Variants in CMYA5 observed in about 807,000 individuals in gnomAD.
CMYA5 encodes the protein cardiomyopathy-associated protein 5.
In CMYA5, 246 loss-of-function variants were observed where a neutral mutation model predicts 318.9. The observed-to-expected ratio is 0.77, with a 90% CI of 0.70 to 0.86. The LOEUF is 0.86. Ranked by LOEUF, CMYA5 falls within the 40% of genes least tolerant of loss-of-function variation. CMYA5 has a pLI of 0.00. For synonymous variants in CMYA5, 1,641 were observed against 1,729.5 expected (o/e 0.95, Z 1.27); for missense variants, 4,589 against 4,678.2 (o/e 0.98, Z 0.56).
At chr5:79,776,395 CAGTT>C (rs1336267224) in intron 9 of CMYA5, among the ~76,000 whole-genome samples, 7 of 152,126 alleles carry the variant, frequency 4.6e-5, no homozygotes, top group Non-Finnish European at 8.8e-5. Flanking sequence ...TCCATATTGA[CAGTT>C]AGTTAAGATT....
Position 79,754,967 on chromosome 5 carries a change from T to C in CMYA5, c.11110+2173T>C, listed in dbSNP as rs147574663. ...GACTGGTTTGTTTAACTTAGAGTAA[T>C]ATCCTCAAAGCTTACCATGTTGTAA... On this transcript the variant is annotated intron_variant, in intron 6 of 12. Coordinates refer to ENST00000446378, the MANE Select transcript of CMYA5 (RefSeq NM_153610.5). Among the ~76,000 whole-genome samples the C allele has an allele frequency of 4.8e-3, 726 of 152,316 alleles. 6 individuals are homozygous for C. The highest frequency in any genetic ancestry group is 0.015 in the African/African-American group (630 of 41,572).
At chr5:79,758,585 TAAA>T (rs1297981873) in intron 6 of CMYA5, among the ~76,000 whole-genome samples, 165 bp from the exon 7 acceptor site, 1 of 151,354 alleles carries the variant, frequency 6.6e-6, no homozygotes, top group African/African-American at 2.4e-5. Context: ...AAATAAAAAA[TAAA>T]AAAATATAAT....
chr5:79,799,841 T>C lies in CMYA5; in HGVS notation c.*225T>C. On this transcript the variant is annotated 3_prime_UTR_variant, in exon 13 of 13. Transcript: ENST00000446378. ...GAAAACAACAACCTCCACTCTTTAG[T>C]TTATATAAGTTTGAGTTCTTTCCTA... The C allele has an allele frequency of 2.8e-6, 1 of 360,568 alleles. No homozygotes were observed. Among genetic ancestry groups the C allele is most frequent in the Non-Finnish European group, 5.0e-6 (1 of 200,466 alleles). The allele number at this position is 360,568 out of a possible 1,614,324, so 22.3% of individuals were successfully genotyped here. A position where few individuals can be genotyped will look rare whatever the true frequency, so the allele number is the denominator to read the frequency against.
rs1829335682 is a variant in CMYA5 at position 79,799,579 on chromosome 5, T to C, written c.12173T>C (p.Leu4058Pro). ...LEKPGKCTLHLGIEPPDSVRH... is the reference protein window; with the variant it reads ...LEKPGKCTLHPGIEPPDSVRH... ...AAACCTGGAAAATGTACTTTGCACC[T>C]GGGGATAGAGCCCCCGGATTCTGTA... The change falls in exon 13 of 13, where the codon CTG becomes CCG. Residue 4058 changes from leucine to proline, a missense_variant. Transcript: ENST00000446378. 1 of 1,613,678 alleles carries C rather than the reference T, an allele frequency of 6.2e-7. No individual in the cohort carries two copies. The highest frequency in any genetic ancestry group is 1.3e-5 in the African/African-American group (1 of 75,032).
intron 1 of CMYA5, among the ~76,000 whole-genome samples, chr5:79,720,427 AATTTT>A (rs1468443862): frequency 0.038 from 5,213 of 136,714 alleles, 279 homozygotes; most frequent in African/African-American, 0.12. Flanking sequence ...CTGCCAATCT[AATTTT>A]TTTTTTTTTT....
In CMYA5 at chr5:79,735,980, G is replaced by A. The variant is rs765684701; in HGVS notation, c.7215G>A (p.Glu2405=). 4 of 1,613,248 alleles carry A rather than the reference G, an allele frequency of 2.5e-6. No individual in the cohort carries two copies. The South Asian group carries it at 4.4e-5, about 18-fold the overall frequency. Residue 2405 remains glutamate (E), a synonymous_variant, in exon 2 of 13, where the codon GAG becomes GAA. Transcript: ENST00000446378. The part of the protein sequence containing the change: ...FASKNITKES[E]KPESIILPVE... Reference sequence around the variant, plus strand: ...GTAAAAATATCACAAAGGAATCAGAGAAACCAGAGTCAATTATTTTGCCAG... The same window carrying A: ...GTAAAAATATCACAAAGGAATCAGAAAAACCAGAGTCAATTATTTTGCCAG...
intron 10 of CMYA5, among the ~76,000 whole-genome samples, chr5:79,790,339 G>T (rs977529812): frequency 1.3e-5 from 2 of 151,556 alleles, no homozygotes; most frequent in Admixed American, 1.3e-4. Flanking sequence ...GCACGATCTC[G>T]GCTCACTGCA....
In CMYA5 at chr5:79,730,231, T is replaced by G; in HGVS notation, c.1466T>G (p.Leu489Arg). Residue 489 changes from leucine to arginine, a missense_variant, in exon 2 of 13, where the codon CTT (leucine) becomes CGT (arginine). By Grantham distance (102) the Leu-to-Arg change is moderately radical. This residue lies in a region of CMYA5 where 2,132 missense variants were observed against 2,131.3 expected (regional missense o/e 1.00). Coordinates refer to ENST00000446378, the MANE Select transcript of CMYA5 (RefSeq NM_153610.5). ...SVKGEKEENMLEPSISLSEPL... is the reference protein window; with the variant it reads ...SVKGEKEENMREPSISLSEPL... ...AAAGGAGAGAAGGAGGAAAACATGCTTGAGCCATCCATTTCTCTTTCTGAA... is the reference window on the plus strand; with the variant it reads ...AAAGGAGAGAAGGAGGAAAACATGCGTGAGCCATCCATTTCTCTTTCTGAA... 1 of 1,613,944 alleles carries G rather than the reference T, an allele frequency of 6.2e-7. No individual in the cohort carries two copies. The highest frequency in any genetic ancestry group is 2.2e-5 in the East Asian group (1 of 44,874).
Position 79,730,787 on chromosome 5 carries a change from A to G in CMYA5, c.2022A>G (p.Pro674=), listed in dbSNP as rs1827875943. The stretch of plus-strand genomic sequence containing the variant: ...CTCCACTGTTTTCAACAGTTACACC[A>G]GAATACATGGTCCTATCAGGAGACG... ...NQSPLFSTVT[P]EYMVLSGDEA... The change falls in exon 2 of 13, where the codon CCA becomes CCG. Residue 674 remains proline, a synonymous_variant. Coordinates refer to ENST00000446378, the MANE Select transcript of CMYA5 (RefSeq NM_153610.5). 3 of 1,613,770 alleles carry G rather than the reference A, an allele frequency of 1.9e-6. No individual in the cohort carries two copies. Among genetic ancestry groups the G allele is most frequent in the Non-Finnish European group, 2.5e-6 (3 of 1,179,860 alleles).
chr5:79,752,894 A>T, intron 6 of CMYA5, 100 bp downstream of exon 6: 1 of 761,502 alleles, frequency 1.3e-6, no homozygotes, highest in South Asian at 1.8e-5. Context: ...GAGTGTAAAG[A>T]CATGTAACTG....
rs201453503 is a variant in CMYA5 at position 79,729,311 on chromosome 5, G to A, written c.546G>A (p.Glu182=). ...SASQVLTTEK[E]KSYTGIYDKA... ...GCCAGGTACTAACCACGGAGAAAGA[G>A]AAGTCATATACTGGCATTTATGATA... is the stretch of plus-strand genomic sequence containing the variant. Residue 182 remains glutamate, a synonymous_variant, in exon 2 of 13, where the codon GAG becomes GAA. Transcript: ENST00000446378. 9 of 1,610,738 alleles carry A rather than the reference G, an allele frequency of 5.6e-6. No individual in the cohort carries two copies. In the East Asian group the frequency reaches 2.0e-4, roughly 36 times the overall value.
chr5:79,700,563 T>C lies in CMYA5; in HGVS notation c.149+10507T>C, dbSNP rs117441148. Among the ~76,000 whole-genome samples the C allele has an allele frequency of 2.4e-4, 37 of 152,314 alleles. No homozygotes were observed. The East Asian group carries it at 6.6e-3, about 27-fold the overall frequency. On this transcript the variant is annotated intron_variant, in intron 1 of 12. Coordinates refer to ENST00000446378, the MANE Select transcript of CMYA5 (RefSeq NM_153610.5). ...GCAAAGGATCTGAATAGAAGTTCTC[T>C]AAAGAAAATATACAGATGTCCAGTG... is the stretch of plus-strand genomic sequence containing the variant.
At chr5:79,764,881 G>T (rs1828720858) in intron 9 of CMYA5, among the ~76,000 whole-genome samples, 2 of 152,088 alleles carry the variant, frequency 1.3e-5, no homozygotes, top group African/African-American at 4.8e-5. Flanking sequence ...GTAGATTCTG[G>T]ATATAAGCCC....
intron 5 of CMYA5, among the ~76,000 whole-genome samples, chr5:79,750,962 G>A (rs1025971333): frequency 2.0e-5 from 3 of 152,088 alleles, no homozygotes; most frequent in Admixed American, 6.5e-5. Flanking sequence ...AGAGGGCTTA[G>A]TGCATGTATG....
chr5:79,698,317 CA>C (rs60791912), intron 1 of CMYA5, among the ~76,000 whole-genome samples: 72,300 of 148,728 alleles, frequency 0.49, 21,395 homozygotes, highest in African/African-American at 0.85. Context: ...AAAACAAAAA[CA>C]AAAAAAAAAA....
Position 79,749,626 on chromosome 5 carries a change from C to T in CMYA5, c.10991+2513C>T, listed in dbSNP as rs1290848177. ...ACATAAAATATATGTAAATATTAGT[C>T]TATTTTATCATTTACTATCATAAAA... On this transcript the variant is annotated intron_variant, in intron 5 of 12. Transcript: ENST00000446378. 2.0e-5 allele frequency among the ~76,000 whole-genome samples: 3 copies of T among 151,986 alleles called. No homozygotes were observed. In the East Asian group the frequency reaches 5.8e-4, roughly 29 times the overall value.
At chr5:79,693,854 A>T (rs1378592253) in intron 1 of CMYA5, among the ~76,000 whole-genome samples, 1 of 152,216 alleles carries the variant, frequency 6.6e-6, no homozygotes, top group Non-Finnish European at 1.5e-5. Context: ...CAAATAAAAC[A>T]TATAGTATGT....
intron 1 of CMYA5, among the ~76,000 whole-genome samples, chr5:79,703,955 C>G: frequency 6.6e-6 from 1 of 151,926 alleles, no homozygotes; most frequent in East Asian, 1.9e-4. Context: ...AGCTGGGCAT[C>G]GTGATGCGCA....
At chr5:79,754,329 C>A (rs1828486751) in intron 6 of CMYA5, among the ~76,000 whole-genome samples, 1 of 152,116 alleles carries the variant, frequency 6.6e-6, no homozygotes, top group African/African-American at 2.4e-5. Context: ...AAGTAGCAGC[C>A]CATACGATTT....
Sources: gnomAD v4.1 joint callset for allele counts (sites outside exome capture counted in the v4.1 genomes callset) on GRCh38, gnomAD v4.1.1 for gene constraint, gnomAD v4.1.1 regional missense constraint, MANE v1.5 for transcripts, NCBI Gene and HGNC (gene_info 2026-07-23, HGNC 2026-07-21) for gene names.